The following IFT172 variants were observed in gnomAD, a reference collection of about 807,000 sequenced individuals.
The protein encoded by IFT172 is intraflagellar transport 172, also known as intraflagellar transport protein 172 homolog.
A neutral mutation model predicts 248.9 loss-of-function variants in IFT172; 164 were observed. That is an observed-to-expected ratio of 0.66 (90% CI 0.58 to 0.75). The LOEUF (loss-of-function observed/expected upper bound fraction) is 0.75. Ranked by LOEUF, IFT172 falls within the 30% of genes least tolerant of loss-of-function variation. IFT172 has a pLI of 0.00. For missense variants in IFT172, 1,950 were observed against 2,192.4 expected (o/e 0.89, Z 2.21); for synonymous variants, 729 against 791.6 (o/e 0.92, Z 1.33).
At position 27,448,927 on chromosome 2, in the gene IFT172, AG is replaced by A; in HGVS notation, c.4415del (p.Pro1472LeufsTer18). On this transcript the variant is annotated frameshift_variant, in exon 40 of 48. Transcript: ENST00000260570. LOFTEE classifies it high-confidence loss of function. ...ALALYVQHGA[P>X]ANPQNFNIYK... Reference sequence around the variant, plus strand: ...AGAAGGCTGGTACCTGTGGGTTAGCAGGGGCTCCGTGCTGTACATACAGGGC... The same window carrying A: ...AGAAGGCTGGTACCTGTGGGTTAGCAGGGCTCCGTGCTGTACATACAGGGC... The A allele has an allele frequency of 1.3e-6, 2 of 1,567,652 alleles. No individual in the cohort carries two copies. The highest frequency in any genetic ancestry group is 1.8e-6 in the Non-Finnish European group (2 of 1,137,344).
In IFT172 at chr2:27,455,614, G is replaced by A. The variant is rs761263363; in HGVS notation, c.3371+897C>T. 6 of 217,204 alleles carry A rather than the reference G, an allele frequency of 2.8e-5. No individual in the cohort carries two copies. In the South Asian group the frequency reaches 3.5e-4, roughly 13 times the overall value. The allele number at this position is 217,204 out of a possible 1,614,324, so 13.5% of individuals were successfully genotyped here. ...TAGTCCCAGCTACTCAGGAGGCTGA[G>A]GCAGGAGAATGGCTTGAACCTGGGA... On this transcript the variant is annotated intron_variant, in intron 30 of 47. Coordinates refer to ENST00000260570, the MANE Select transcript of IFT172 (RefSeq NM_015662.3).
intron 18 of IFT172, among the ~76,000 whole-genome samples, chr2:27,463,531 T>C (rs113448402): frequency 7.2e-4 from 34 of 47,144 alleles, no homozygotes; most frequent in African/African-American, 2.2e-3. Context: ...TCTTTTCTCT[T>C]TTTTTTTTTT....
intron 43 of IFT172, 29 bp downstream of exon 43, chr2:27,446,231 C>T (rs749498090): frequency 1.2e-6 from 2 of 1,604,988 alleles, no homozygotes; most frequent in Non-Finnish European, 1.7e-6. Flanking sequence ...TTCCTCCTAT[C>T]TGCCCCACCC....
chr2:27,485,853 T>A (rs1391189147), intron 1 of IFT172, among the ~76,000 whole-genome samples: 1 of 152,232 alleles, frequency 6.6e-6, no homozygotes, highest in East Asian at 1.9e-4. Flanking sequence ...TCAATTAATA[T>A]TTTTTTAGCA....
intron 42 of IFT172, 92 bp from the exon 43 acceptor site, chr2:27,446,447 A>C (rs1012346808): frequency 1.2e-5 from 13 of 1,099,944 alleles, no homozygotes; most frequent in Non-Finnish European, 1.6e-5. Context: ...GAACTAAAAA[A>C]CAACAATTAT....
intron 10 of IFT172, among the ~76,000 whole-genome samples, 157 bp from the exon 11 acceptor site, chr2:27,478,313 T>C (rs1324531846): frequency 6.6e-6 from 1 of 152,228 alleles, no homozygotes; most frequent in Non-Finnish European, 1.5e-5. Context: ...TATCTTATGT[T>C]TATATGGGGC....
In IFT172 at chr2:27,465,777, C is replaced by G; in HGVS notation, c.1798G>C (p.Gly600Arg). 1 of 1,614,124 alleles carries G rather than the reference C, an allele frequency of 6.2e-7. No homozygotes were observed. The highest frequency in any genetic ancestry group is 8.5e-7 in the Non-Finnish European group (1 of 1,180,008). The change falls in exon 17 of 48, where the codon GGA becomes CGA. Residue 600 changes from glycine to arginine, a missense_variant. Physicochemically the swap from Gly to Arg is moderately radical, Grantham distance 125. This residue lies in a region of IFT172 where 1,166 missense variants were observed against 1,254.1 expected (regional missense o/e 0.93). Transcript: ENST00000260570. ...YTLDEGLIEF[G>R]TAIDDGNYIR... ...TAGTTGCCATCATCAATGGCTGTTC[C>G]AAACTCGATGAGGCCCTCATCCAAT... is the stretch of plus-strand genomic sequence containing the variant.
chr2:27,457,334 C>T (rs573037995), intron 29 of IFT172, among the ~76,000 whole-genome samples: 3 of 152,124 alleles, frequency 2.0e-5, no homozygotes, highest in Non-Finnish European at 4.4e-5. Context: ...CTTTGGGAGG[C>T]CAAGGCAGGT....
At position 27,448,850 on chromosome 2, in the gene IFT172, T is replaced by C. The variant is rs1665405577; in HGVS notation, c.4428+65A>G. ...TCTGAGAAGATAGTTCCTGAGAAGA[T>C]AGGTGGTTCTAGAGGAGAAAGAGCT... On this transcript the variant is annotated intron_variant, in intron 40 of 47. Coordinates refer to ENST00000260570, the MANE Select transcript of IFT172 (RefSeq NM_015662.3). The C allele has an allele frequency of 7.4e-6, 6 of 811,136 alleles. No individual in the cohort carries two copies. The East Asian group carries it at 9.7e-5, about 13-fold the overall frequency. 50.2% of individuals were successfully genotyped at this position (811,136 alleles called of 1,614,324 possible).
Position 27,459,707 on chromosome 2 carries a change from A to G in IFT172, c.2642+2T>C. 1.2e-6 allele frequency: 2 copies of G among 1,611,698 alleles called. No individual in the cohort carries two copies. Among genetic ancestry groups the G allele is most frequent in the Non-Finnish European group, 1.7e-6 (2 of 1,179,962 alleles). On this transcript the variant is annotated splice_donor_variant, in intron 24 of 47. Transcript: ENST00000260570. LOFTEE classifies it high-confidence loss of function. ...CTCCTTTACATTCCCATACTCCCATACCTGGCTTCGATGTAGTGATTAATG... is the reference window on the plus strand; with the variant it reads ...CTCCTTTACATTCCCATACTCCCATGCCTGGCTTCGATGTAGTGATTAATG...
chr2:27,481,457 A>C (rs1219792100), intron 7 of IFT172, among the ~76,000 whole-genome samples, 197 bp from the exon 8 acceptor site: 1 of 148,566 alleles, frequency 6.7e-6, no homozygotes, highest in East Asian at 1.9e-4. Flanking sequence ...ACACACATAC[A>C]CACACACACA....
chr2:27,463,329 G>C (rs779072420), intron 18 of IFT172, 148 bp from the exon 19 acceptor site: 2 of 621,952 alleles, frequency 3.2e-6, no homozygotes, highest in Non-Finnish European at 5.4e-6. Flanking sequence ...AGGAAGATGA[G>C]GGCCTTGCTC....
rs1324635513 is a variant in IFT172 at position 27,449,707 on chromosome 2, T to A, written c.4144A>T (p.Lys1382Ter). ...CAAGCTTACCTGGGATCTAACTCCT[T>A]AGCTACACGCTTCGCCTTGTTCCAC... is the stretch of plus-strand genomic sequence containing the variant. ...EEWNKAKRVAKELDPRYEDYV... is the reference protein window; with the variant it reads ...EEWNKAKRVA The change falls in exon 37 of 48, where the codon AAG (lysine) becomes TAG (stop). Residue 1382 changes from lysine to a stop codon, truncating the protein, a stop_gained. Transcript: ENST00000260570. LOFTEE classifies it high-confidence loss of function. 3 of 1,613,320 alleles carry A rather than the reference T, an allele frequency of 1.9e-6. No individual in the cohort carries two copies. The South Asian group carries it at 3.3e-5, about 18-fold the overall frequency.
intron 18 of IFT172, among the ~76,000 whole-genome samples, chr2:27,464,953 GCT>G (rs1666979277): frequency 7.2e-6 from 1 of 139,450 alleles, no homozygotes; most frequent in Admixed American, 7.5e-5. Context: ...ACAGAGTCTT[GCT>G]CTGTCACCCA....
chr2:27,474,505 G>T (rs1424687548), intron 14 of IFT172, among the ~76,000 whole-genome samples: 2 of 152,104 alleles, frequency 1.3e-5, no homozygotes, highest in Non-Finnish European at 2.9e-5. Flanking sequence ...GAATAGGAAA[G>T]GATTTCTTAA....
intron 18 of IFT172, among the ~76,000 whole-genome samples, chr2:27,464,070 A>G (rs949841411): frequency 3.9e-5 from 6 of 152,246 alleles, no homozygotes; most frequent in African/African-American, 7.2e-5. Context: ...AAGAAACAGT[A>G]TCAGTGCGAC....
chr2:27,446,551 TC>T, intron 42 of IFT172, 196 bp from the exon 43 acceptor site: 1 of 521,274 alleles, frequency 1.9e-6, no homozygotes, highest in Non-Finnish European at 3.4e-6. Context: ...TTCAATTCTT[TC>T]GCCCAGGCTG....
At chr2:27,456,724 G>C in intron 29 of IFT172, 71 bp from the exon 30 acceptor site, 1 of 1,560,704 alleles carries the variant, frequency 6.4e-7, no homozygotes, top group South Asian at 1.2e-5. Flanking sequence ...CCTCGGCTTT[G>C]ACAAGGATCC....
At position 27,485,480 on chromosome 2, in the gene IFT172, G is replaced by A; in HGVS notation, c.63C>T (p.Cys21=). The change falls in exon 2 of 48, where the codon TGC becomes TGT. Residue 21 remains cysteine (C), a synonymous_variant. Transcript: ENST00000260570. ...TGGCATTGTTCTGGGACCAAGCCAT[G>A]CAGGTCACCTTTGCAGCTCCATCCT... ...SPQDGAAKVT[C]MAWSQNNAKF... is the part of the protein sequence containing the mutation. The A allele has an allele frequency of 1.2e-6, 2 of 1,614,046 alleles. No individual in the cohort carries two copies. Among genetic ancestry groups the A allele is most frequent in the Middle Eastern group, 1.7e-4 (1 of 6,044 alleles).
Sources: allele counts gnomAD v4.1 joint callset (sites outside exome capture counted in the v4.1 genomes callset), GRCh38; gene constraint gnomAD v4.1.1; regional missense constraint gnomAD v4.1.1; transcripts MANE v1.5; gene names NCBI Gene and HGNC (gene_info 2026-07-23, HGNC 2026-07-21).